The following RBFOX1 variants were observed in gnomAD, a reference collection of about 807,000 sequenced individuals.
RBFOX1 encodes RNA binding fox-1 homolog 1, also known as RNA binding protein fox-1 homolog 1.
Under a neutral mutation model 57.7 loss-of-function variants are expected in RBFOX1, and 8 were observed. The ratio of observed to expected loss-of-function variants is 0.14; its 90% CI spans 0.08 to 0.25. The LOEUF (loss-of-function observed/expected upper bound fraction) is 0.25. Among genes scored for constraint, RBFOX1 ranks in the 10% least tolerant of loss-of-function variants. The pLI is 1.00. For missense variants in RBFOX1, 611 were observed against 548.5 expected, an observed-to-expected ratio of 1.11 and a Z score of -1.14; for synonymous variants, 326 against 222.4, an observed-to-expected ratio of 1.47 and a Z score of -4.15.
intron 1 of RBFOX1, among the ~76,000 whole-genome samples, chr16:5,466,953 T>C (rs1034964524): frequency 1.3e-5 from 2 of 152,226 alleles, no homozygotes; most frequent in Admixed American, 6.5e-5. Flanking sequence ...TTAATAGTTA[T>C]TGGTTAGCTT....
At chr16:5,369,820 G>C (rs1379791684) in intron 1 of RBFOX1, among the ~76,000 whole-genome samples, 1 of 152,108 alleles carries the variant, frequency 6.6e-6, no homozygotes, top group Non-Finnish European at 1.5e-5. Flanking sequence ...TTAAAATAAT[G>C]AAATATATTA....
chr16:5,746,533 A>G (rs756577088), intron 3 of RBFOX1, among the ~76,000 whole-genome samples: 1 of 152,212 alleles, frequency 6.6e-6, no homozygotes, highest in Non-Finnish European at 1.5e-5. Context: ...CTTGGGCAGT[A>G]TGGCCATCTT....
At chr16:7,006,366 G>C (rs1452007247) in intron 3 of RBFOX1, among the ~76,000 whole-genome samples, 1 of 152,094 alleles carries the variant, frequency 6.6e-6, no homozygotes, top group African/African-American at 2.4e-5. Flanking sequence ...TGTTGGCCAG[G>C]ATGGTCTCGA....
At chr16:5,242,547 A>C (rs2062194146) in intron 1 of RBFOX1, among the ~76,000 whole-genome samples, 2 of 152,208 alleles carry the variant, frequency 1.3e-5, no homozygotes, top group African/African-American at 4.8e-5. Context: ...TGTGAGAATC[A>C]GCAGCGATTT....
At chr16:7,137,485 G>T (rs112273404) in intron 4 of RBFOX1, among the ~76,000 whole-genome samples, 7 of 152,240 alleles carry the variant, frequency 4.6e-5, no homozygotes, top group East Asian at 1.9e-4. Context: ...TCTCTTGCCC[G>T]CTGCCAATGT....
intron 1 of RBFOX1, among the ~76,000 whole-genome samples, chr16:6,148,188 GTGGTGGCA>G (rs1409728063): frequency 3.9e-5 from 6 of 152,196 alleles, no homozygotes; most frequent in African/African-American, 1.4e-4. Flanking sequence ...TTAGCCGAGT[GTGGTGGCA>G]TGTACCTGTA....
intron 1 of RBFOX1, among the ~76,000 whole-genome samples, chr16:5,240,511 C>T (rs2062138719): frequency 6.6e-6 from 1 of 152,180 alleles, no homozygotes; most frequent in Admixed American, 6.5e-5. Flanking sequence ...GGGGAAGTCC[C>T]TGGCGCCAGG....
intron 4 of RBFOX1, among the ~76,000 whole-genome samples, chr16:7,058,519 G>T (rs2053197667): frequency 6.6e-6 from 1 of 152,096 alleles, no homozygotes; most frequent in African/African-American, 2.4e-5. Flanking sequence ...TCCTCTCTAT[G>T]TCAAATTCCT....
chr16:6,242,132 A>G (rs2097542942), intron 1 of RBFOX1, among the ~76,000 whole-genome samples: 1 of 152,208 alleles, frequency 6.6e-6, no homozygotes, highest in Non-Finnish European at 1.5e-5. Context: ...TTCATGTATA[A>G]GTCCTGATAG....
At chr16:6,821,563 C>T (rs907466302) in intron 3 of RBFOX1, among the ~76,000 whole-genome samples, 16 of 152,152 alleles carry the variant, frequency 1.1e-4, no homozygotes, top group Non-Finnish European at 1.9e-4. Context: ...TCTCTCTCCC[C>T]CCAACCGCTG....
chr16:6,316,016 A>C (rs1304536001), intron 1 of RBFOX1, among the ~76,000 whole-genome samples: 1 of 152,194 alleles, frequency 6.6e-6, no homozygotes, highest in Admixed American at 6.5e-5. Context: ...TTTAAAATTT[A>C]CCTCTAAATC....
At chr16:7,654,394 A>G (rs1183523377) in intron 12 of RBFOX1, among the ~76,000 whole-genome samples, 1 of 152,182 alleles carries the variant, frequency 6.6e-6, no homozygotes, top group Non-Finnish European at 1.5e-5. Context: ...CTTGGCTTCA[A>G]GGGTCACGAA....
At chr16:6,131,633 C>T (rs1567527395) in intron 1 of RBFOX1, among the ~76,000 whole-genome samples, 1 of 152,168 alleles carries the variant, frequency 6.6e-6, no homozygotes, top group Non-Finnish European at 1.5e-5. Context: ...TCAAGATTCA[C>T]CATATCAACA....
intron 3 of RBFOX1, among the ~76,000 whole-genome samples, chr16:5,754,339 G>T (rs537644855): frequency 6.6e-6 from 1 of 152,282 alleles, no homozygotes; most frequent in East Asian, 1.9e-4. Context: ...CAATGTTCAT[G>T]TTCGCTCCTA....
intron 1 of RBFOX1, among the ~76,000 whole-genome samples, chr16:6,291,860 C>G (rs1414756851): frequency 6.6e-6 from 1 of 152,116 alleles, no homozygotes; most frequent in Non-Finnish European, 1.5e-5. Flanking sequence ...GCAAGTAAAT[C>G]TAAGATGATT....
intron 1 of RBFOX1, among the ~76,000 whole-genome samples, chr16:6,282,367 T>G (rs1035310279): frequency 4.6e-5 from 7 of 151,636 alleles, no homozygotes; most frequent in African/African-American, 1.5e-4. Context: ...TTTTTTTTTT[T>G]TTTTTTTTTT....
intron 4 of RBFOX1, among the ~76,000 whole-genome samples, chr16:7,296,387 AG>A (rs2141826832): frequency 6.6e-6 from 1 of 152,060 alleles, no homozygotes; most frequent in South Asian, 2.1e-4. Flanking sequence ...GAAATTTAAA[AG>A]CTGTTAATTT....
intron 5 of RBFOX1, among the ~76,000 whole-genome samples, chr16:7,524,201 C>T (rs2078157565): frequency 6.6e-6 from 1 of 152,148 alleles, no homozygotes; most frequent in Non-Finnish European, 1.5e-5. Context: ...CATCTGGTGG[C>T]CTCCAAGAAC....
chr16:6,551,641 A>G (rs2096990857), intron 2 of RBFOX1, among the ~76,000 whole-genome samples: 1 of 152,214 alleles, frequency 6.6e-6, no homozygotes, highest in Non-Finnish European at 1.5e-5. Flanking sequence ...GGAATTCTGT[A>G]AAAGCTTGCC....
Sources: gnomAD v4.1 joint callset for allele counts (sites outside exome capture counted in the v4.1 genomes callset) on GRCh38, gnomAD v4.1.1 for gene constraint, MANE v1.5 for transcripts, NCBI Gene and HGNC (gene_info 2026-07-23, HGNC 2026-07-21) for gene names.